Variants in CUBN observed in about 807,000 individuals in gnomAD.
CUBN encodes 460 kDa receptor.
CUBN carries 282 observed loss-of-function variants against 405.3 expected under a neutral mutation model. That is an observed-to-expected ratio of 0.70 (90% confidence interval 0.63 to 0.77). The LOEUF is 0.77. Among genes scored for constraint, CUBN ranks in the 30% least tolerant of loss-of-function variants. CUBN has a pLI of 0.00. For synonymous variants in CUBN, 1,684 were observed against 1,617.0 expected, an observed-to-expected ratio of 1.04 and a Z score of -0.99; for missense variants, 4,514 against 4,475.2, an observed-to-expected ratio of 1.01 and a Z score of -0.25.
At chr10:16,998,980 T>A (rs1833807438) in intron 28 of CUBN, among the ~76,000 whole-genome samples, 2 of 152,218 alleles carry the variant, frequency 1.3e-5, no homozygotes, top group Admixed American at 6.5e-5. Flanking sequence ...ATCCATTTTA[T>A]TCGACTAATT....
chr10:16,954,602 T>C (rs181965663), intron 31 of CUBN, 54 bp from the exon 32 acceptor site: 3 of 1,590,474 alleles, frequency 1.9e-6, no homozygotes, highest in East Asian at 4.5e-5. Flanking sequence ...CTAGAAGGCC[T>C]GTATTCCACG....
intron 31 of CUBN, among the ~76,000 whole-genome samples, chr10:16,981,340 G>T (rs955840621): frequency 3.3e-5 from 5 of 152,116 alleles, no homozygotes; most frequent in Non-Finnish European, 4.4e-5. Flanking sequence ...TCGCCTTCCT[G>T]CTGAGAGCCA....
At position 16,925,673 on chromosome 10, in the gene CUBN, G is replaced by A; in HGVS notation, c.6373C>T (p.Gln2125Ter). The A allele has an allele frequency of 6.2e-7, 1 of 1,614,026 alleles. No individual in the cohort carries two copies. The highest frequency in any genetic ancestry group is 1.1e-5 in the South Asian group (1 of 91,086). The change falls in exon 42 of 67, where the codon CAA becomes TAA. Residue 2125 changes from glutamine (Q) to a stop codon, truncating the protein, a stop_gained. Transcript: ENST00000377833. LOFTEE classifies it high-confidence loss of function. ...TGGACAGCAATGGTCAGGCCACTTTGGACCAGGACGTGCCAAGAACAGTTG... is the reference window on the plus strand; with the variant it reads ...TGGACAGCAATGGTCAGGCCACTTTAGACCAGGACGTGCCAAGAACAGTTG... ...NLNCSWHVLV[Q>*]SGLTIAVHFE...
chr10:16,836,085 G>T, intron 63 of CUBN, 150 bp downstream of exon 63: 2 of 744,812 alleles, frequency 2.7e-6, no homozygotes, highest in Non-Finnish European at 2.3e-6. Flanking sequence ...GCTAAATTGG[G>T]CTGGGTTCTA....
Position 16,972,010 on chromosome 10 carries a change from T to C in CUBN, c.4695+10474A>G, listed in dbSNP as rs545883938. Reference sequence around the variant, plus strand: ...TATTAAAGACGGAATCCAGGGGCTTTGTTGCAATCCTCACGCTCGTTGGCA... The same window carrying C: ...TATTAAAGACGGAATCCAGGGGCTTCGTTGCAATCCTCACGCTCGTTGGCA... On this transcript the variant is annotated intron_variant, in intron 31 of 66. Transcript: ENST00000377833. Among the ~76,000 whole-genome samples the C allele has an allele frequency of 2.6e-5, 4 of 152,288 alleles. No individual in the cohort carries two copies. In the South Asian group the frequency reaches 8.3e-4, roughly 32 times the overall value.
rs573317735 is a variant in CUBN at position 16,902,331 on chromosome 10, A to G, written c.8063-872T>C. 6.3e-5 allele frequency among the ~76,000 whole-genome samples: 9 copies of G among 143,864 alleles called. No homozygotes were observed. In the East Asian group the frequency reaches 1.8e-3, roughly 28 times the overall value. The allele number at this position is 143,864 out of a possible 152,430, so 94.4% of individuals were successfully genotyped here. ...ATAGTATATATATTTGTATATATAT[A>G]TTTTGTATTTTTTTGTGTATGTATA... On this transcript the variant is annotated intron_variant, in intron 51 of 66. Transcript: ENST00000377833.
In CUBN at chr10:17,102,167, A is replaced by G. The variant is rs137965686; in HGVS notation, c.1530+958T>C. On this transcript the variant is annotated intron_variant, in intron 13 of 66. Coordinates refer to ENST00000377833, the MANE Select transcript of CUBN (RefSeq NM_001081.4). Reference sequence around the variant, plus strand: ...ACAAACTTGACTTTGAAATTCAACTATTACAATTACAAGCTAAGAAGTGTT... The same window carrying G: ...ACAAACTTGACTTTGAAATTCAACTGTTACAATTACAAGCTAAGAAGTGTT... Among the ~76,000 whole-genome samples, 21 of 152,304 alleles carry G rather than the reference A, an allele frequency of 1.4e-4. 1 individual carries two copies. In the East Asian group the frequency reaches 4.1e-3, roughly 29 times the overall value.
At chr10:17,013,255 C>G (rs1245755581) in intron 28 of CUBN, among the ~76,000 whole-genome samples, 1 of 151,958 alleles carries the variant, frequency 6.6e-6, no homozygotes, top group Non-Finnish European at 1.5e-5. Flanking sequence ...CTGACTTTCT[C>G]TCTGTCTCTT....
At chr10:17,041,388 A>G (rs1243681636) in intron 26 of CUBN, among the ~76,000 whole-genome samples, 168 bp from the exon 27 acceptor site, 1 of 152,048 alleles carries the variant, frequency 6.6e-6, no homozygotes, top group Non-Finnish European at 1.5e-5. Flanking sequence ...AGACACACAC[A>G]CATATATATT....
intron 29 of CUBN, among the ~76,000 whole-genome samples, chr10:16,987,065 T>G (rs550321578): frequency 1.3e-5 from 2 of 152,194 alleles, no homozygotes; most frequent in African/African-American, 4.8e-5. Context: ...GAGGCCAGAC[T>G]GAGGTAACTG....
intron 31 of CUBN, among the ~76,000 whole-genome samples, chr10:16,956,751 T>A (rs567610485): frequency 7.2e-5 from 11 of 152,286 alleles, no homozygotes; most frequent in African/African-American, 2.2e-4. Flanking sequence ...CAATTGAATC[T>A]TAAGGCACAG....
chr10:16,998,778 T>C (rs1298013571), intron 28 of CUBN, among the ~76,000 whole-genome samples: 1 of 152,202 alleles, frequency 6.6e-6, no homozygotes, highest in Non-Finnish European at 1.5e-5. Context: ...AAGATTTTCA[T>C]GAAAACAGAA....
chr10:16,999,571 A>G (rs925453376), intron 28 of CUBN, among the ~76,000 whole-genome samples: 1 of 152,216 alleles, frequency 6.6e-6, no homozygotes, highest in Non-Finnish European at 1.5e-5. Context: ...AACAAAGTTT[A>G]GTATAAAAAG....
In CUBN at chr10:17,129,750, A is replaced by T; in HGVS notation, c.16T>A (p.Leu6Ile). The change falls in exon 1 of 67, where the codon TTA becomes ATA. Residue 6 changes from leucine (L) to isoleucine (I), a missense_variant. Transcript: ENST00000377833. MMNMSLPFLWSLLTLL... is the reference protein window; with the variant it reads MMNMSIPFLWSLLTLL... ...GTAAGCAAACTCCAAAGAAAAGGTA[A>T]AGACATGTTCATCATCAACCTCCCA... is the stretch of plus-strand genomic sequence containing the variant. 2 of 1,614,126 alleles carry T rather than the reference A, an allele frequency of 1.2e-6. No homozygotes were observed. The highest frequency in any genetic ancestry group is 1.7e-6 in the Non-Finnish European group (2 of 1,179,972).
chr10:16,909,912 T>G (rs1841671668), intron 48 of CUBN, among the ~76,000 whole-genome samples: 1 of 152,080 alleles, frequency 6.6e-6, no homozygotes, highest in Non-Finnish European at 1.5e-5. Context: ...GTACAGAGAG[T>G]CAGATAGGCA....
Position 16,954,447 on chromosome 10 carries a change from C to G in CUBN, c.4797G>C (p.Leu1599Phe). The G allele has an allele frequency of 6.2e-7, 1 of 1,614,136 alleles. No homozygotes were observed. The highest frequency in any genetic ancestry group is 1.1e-5 in the South Asian group (1 of 91,084). ...PIVSSGNSLF[L>F]RFQSGPSRQN... ...GTCTGGAAGGGCCAGACTGAAATCT[C>G]AAGAAGAGGCTGTTTCCTGAGGAGA... Residue 1599 changes from leucine to phenylalanine, a missense_variant, in exon 32 of 67, where the codon TTG becomes TTC. Transcript: ENST00000377833.
intron 59 of CUBN, among the ~76,000 whole-genome samples, chr10:16,860,282 C>A (rs1038567431): frequency 6.6e-6 from 1 of 151,794 alleles, no homozygotes; most frequent in Non-Finnish European, 1.5e-5. Flanking sequence ...AGGATAGAGA[C>A]AAGTTGAAAA....
intron 8 of CUBN, among the ~76,000 whole-genome samples, chr10:17,112,189 C>G (rs932985858): frequency 1.4e-4 from 21 of 151,874 alleles, no homozygotes; most frequent in African/African-American, 4.8e-4. Flanking sequence ...TAAAAATATT[C>G]ATATTCTTTG....
intron 28 of CUBN, among the ~76,000 whole-genome samples, chr10:17,008,709 G>A (rs1834099046): frequency 1.3e-5 from 2 of 151,960 alleles, no homozygotes; most frequent in South Asian, 2.1e-4. Flanking sequence ...CCTCCTGCTG[G>A]GCCCAAGTCA....
Sources: gnomAD v4.1 joint callset for allele counts (sites outside exome capture counted in the v4.1 genomes callset) on GRCh38, gnomAD v4.1.1 for gene constraint, MANE v1.5 for transcripts, NCBI Gene and HGNC (gene_info 2026-07-23, HGNC 2026-07-21) for gene names.